SFXN1: variants seen among roughly 807,000 people sequenced by gnomAD.
The protein encoded by SFXN1 is sideroflexin-1.
In SFXN1, 32 loss-of-function variants were observed where a neutral mutation model predicts 39.5. The observed-to-expected ratio is 0.81, with a 90% CI of 0.61 to 1.09. SFXN1 has a LOEUF of 1.09. Among genes scored for constraint, SFXN1 ranks in the 50% least tolerant of loss-of-function variants. SFXN1 has a pLI of 0.00. For synonymous variants in SFXN1, 136 were observed against 146.5 expected (o/e 0.93, Z 0.52); for missense variants, 402 against 407.1 (o/e 0.99, Z 0.11).
intron 1 of SFXN1, among the ~76,000 whole-genome samples, chr5:175,481,048 GTT>G (rs1371769206): frequency 6.6e-6 from 1 of 152,196 alleles, no homozygotes; most frequent in African/African-American, 2.4e-5. Context: ...TTGTAAAATA[GTT>G]TTATAGACTT....
intron 2 of SFXN1, 128 bp downstream of exon 2, chr5:175,492,395 A>G: frequency 1.2e-6 from 1 of 801,924 alleles, no homozygotes; most frequent in Non-Finnish European, 1.9e-6. Context: ...GACCAAAAAA[A>G]AAAAAAGGAA....
chr5:175,519,366 T>C (rs542268096), intron 8 of SFXN1, among the ~76,000 whole-genome samples: 15 of 152,234 alleles, frequency 9.9e-5, no homozygotes, highest in Admixed American at 8.5e-4. Context: ...CTAGGAAAAA[T>C]AGAAGCACAT....
chr5:175,512,921 A>G (rs1760572088), intron 6 of SFXN1, among the ~76,000 whole-genome samples: 1 of 152,194 alleles, frequency 6.6e-6, no homozygotes, highest in Non-Finnish European at 1.5e-5. Flanking sequence ...TTCCTGAAAA[A>G]GGTACACCCT....
intron 2 of SFXN1, among the ~76,000 whole-genome samples, chr5:175,496,299 G>A (rs572936264): frequency 2.2e-3 from 340 of 151,864 alleles, no homozygotes; most frequent in African/African-American, 6.5e-3. Context: ...ACTTGAACCC[G>A]GGAGGCAGAG....
intron 4 of SFXN1, 75 bp from the exon 5 acceptor site, chr5:175,511,376 T>C (rs1581310997): frequency 9.1e-7 from 1 of 1,097,814 alleles, no homozygotes; most frequent in East Asian, 2.4e-5. Flanking sequence ...TTCCCTTTTA[T>C]TTCTTCAAAT....
chr5:175,498,671 A>G (rs1759957148), intron 2 of SFXN1, among the ~76,000 whole-genome samples: 1 of 152,358 alleles, frequency 6.6e-6, no homozygotes, highest in Non-Finnish European at 1.5e-5. Flanking sequence ...GGAGTAAGAA[A>G]GCTACCTAAC....
intron 2 of SFXN1, among the ~76,000 whole-genome samples, chr5:175,508,074 T>C (rs1760377304): frequency 6.6e-6 from 1 of 152,152 alleles, no homozygotes; most frequent in South Asian, 2.1e-4. Flanking sequence ...TCTAATTGTT[T>C]AAAGTATTTT....
intron 4 of SFXN1, 176 bp downstream of exon 4, chr5:175,510,383 C>T: frequency 1.7e-6 from 1 of 585,188 alleles, no homozygotes; most frequent in Admixed American, 3.1e-5. Context: ...TTCATTTTCT[C>T]TCTCCCTATC....
In SFXN1 at chr5:175,527,552, T is replaced by G. The variant is rs941890839; in HGVS notation, c.*818T>G. On this transcript the variant is annotated 3_prime_UTR_variant, in exon 11 of 11. Transcript: ENST00000321442. ...AAGTATATTCAATACCAATGCTGTA[T>G]GAGTGGGCTGAATCCAGTTCATTGT... 1 of 152,204 alleles carries G rather than the reference T, an allele frequency of 6.6e-6. No individual in the cohort carries two copies. Among genetic ancestry groups the G allele is most frequent in the African/African-American group, 2.4e-5 (1 of 41,450 alleles). The allele number at this position is 152,204 out of a possible 1,614,324, so 9.4% of individuals were successfully genotyped here.
intron 2 of SFXN1, among the ~76,000 whole-genome samples, chr5:175,497,929 TCA>T (rs1759918351): frequency 8.8e-6 from 1 of 114,022 alleles, no homozygotes; most frequent in Non-Finnish European, 1.7e-5. Context: ...AAACTCCGTC[TCA>T]AAAAGAAAAA....
chr5:175,505,817 A>ATTTTC (rs1245695921), intron 2 of SFXN1, among the ~76,000 whole-genome samples: 2 of 151,958 alleles, frequency 1.3e-5, no homozygotes, highest in Non-Finnish European at 2.9e-5. Context: ...AATGTTTCAC[A>ATTTTC]TTTTCTTTTC....
intron 9 of SFXN1, 83 bp from the exon 10 acceptor site, chr5:175,522,292 G>T: frequency 7.5e-7 from 1 of 1,341,396 alleles, no homozygotes. Context: ...AGAAAGAAGG[G>T]ATTGTTATAA....
intron 1 of SFXN1, among the ~76,000 whole-genome samples, chr5:175,479,882 C>T (rs1435611653): frequency 6.6e-6 from 1 of 152,170 alleles, no homozygotes; most frequent in Non-Finnish European, 1.5e-5. Flanking sequence ...CCTTCTTTGT[C>T]CATCCCCCTT....
intron 1 of SFXN1, 109 bp from the exon 2 acceptor site, chr5:175,491,986 A>C: frequency 3.1e-6 from 2 of 646,334 alleles, no homozygotes; most frequent in South Asian, 7.2e-5. Flanking sequence ...CTTTATAAAT[A>C]GGAAGAGTAT....
intron 10 of SFXN1, among the ~76,000 whole-genome samples, chr5:175,524,789 CAAAAAG>C (rs1761009976): frequency 6.6e-6 from 1 of 151,384 alleles, no homozygotes; most frequent in African/African-American, 2.4e-5. Flanking sequence ...TTAATCAAAA[CAAAAAG>C]AGAAAGAGAA....
At chr5:175,504,532 A>G (rs1467374426) in intron 2 of SFXN1, among the ~76,000 whole-genome samples, 2 of 151,518 alleles carry the variant, frequency 1.3e-5, no homozygotes, top group Non-Finnish European at 1.5e-5. Context: ...CCAACATTGC[A>G]TAACTGCACT....
In SFXN1 at chr5:175,513,512, G is replaced by A. The variant is rs138497198; in HGVS notation, c.646G>A (p.Gly216Arg). 11 of 1,613,814 alleles carry A rather than the reference G, an allele frequency of 6.8e-6. No homozygotes were observed. The highest frequency in any genetic ancestry group is 1.3e-5 in the African/African-American group (1 of 74,860). Residue 216 changes from glycine (G) to arginine (R), a missense_variant, in exon 7 of 11, where the codon GGG (glycine) becomes AGG (arginine). Transcript: ENST00000321442. ...CACGGATGAGAATGGGAACCGCTTG[G>A]GGGAGTCGGCGAACGCTGCGAAACA... ...PVTDENGNRL[G>R]ESANAAKQAI...
chr5:175,515,608 AAAAG>A (rs1760688973), intron 7 of SFXN1, among the ~76,000 whole-genome samples: 1 of 152,158 alleles, frequency 6.6e-6, no homozygotes, highest in African/African-American at 2.4e-5. Context: ...ATTTTATAGA[AAAAG>A]AAAACAGAAA....
intron 1 of SFXN1, among the ~76,000 whole-genome samples, chr5:175,490,603 T>G (rs267378): frequency 0.63 from 95,161 of 152,032 alleles, 30,003 homozygotes; most frequent in African/African-American, 0.65. Context: ...GTATTAGAAA[T>G]GTAGGGAAGG....
Sources: allele counts gnomAD v4.1 joint callset (sites outside exome capture counted in the v4.1 genomes callset), GRCh38; gene constraint gnomAD v4.1.1; transcripts MANE v1.5; gene names NCBI Gene and HGNC (gene_info 2026-07-23, HGNC 2026-07-21).